The following HEATR5B variants were observed in gnomAD, a reference collection of about 807,000 sequenced individuals.
HEATR5B encodes the protein HEAT repeat-containing protein 5B.
In HEATR5B, 156 loss-of-function variants were observed where a neutral mutation model predicts 224.1. That is an observed-to-expected ratio of 0.70 (90% CI 0.61 to 0.80). The LOEUF (loss-of-function observed/expected upper bound fraction) is 0.80. Among genes scored for constraint, HEATR5B ranks in the 30% least tolerant of loss-of-function variants. HEATR5B has a pLI of 0.00. For synonymous variants in HEATR5B, 1,027 were observed against 893.0 expected (o/e 1.15, Z -2.68); for missense variants, 2,323 against 2,535.5 (o/e 0.92, Z 1.80).
At chr2:37,062,392 T>C (rs1236947113) in intron 10 of HEATR5B, among the ~76,000 whole-genome samples, 1 of 152,126 alleles carries the variant, frequency 6.6e-6, no homozygotes, top group Non-Finnish European at 1.5e-5. Flanking sequence ...ATTGCACTAC[T>C]GCACTCCAGC....
At chr2:36,994,372 T>C (rs549812156) in intron 33 of HEATR5B, among the ~76,000 whole-genome samples, 4 of 152,336 alleles carry the variant, frequency 2.6e-5, no homozygotes, top group African/African-American at 7.2e-5. Context: ...TTTTGTACGT[T>C]TGTACATGTT....
chr2:36,992,210 C>CA (rs1238063262), intron 33 of HEATR5B, among the ~76,000 whole-genome samples: 1 of 150,902 alleles, frequency 6.6e-6, no homozygotes. Flanking sequence ...AACAAACAAA[C>CA]AAAAAAACAA....
In HEATR5B at chr2:37,028,100, T is replaced by C. The variant is rs755926920; in HGVS notation, c.3676A>G (p.Thr1226Ala). Residue 1226 changes from threonine (T) to alanine (A), a missense_variant, in exon 24 of 36, where the codon ACC becomes GCC. Physicochemically the swap from Thr to Ala is moderately conservative, Grantham distance 58. This residue lies in a region of HEATR5B where 339 missense variants were observed against 378.4 expected (regional missense o/e 0.90). Transcript: ENST00000233099. ...TCTTCACCTAACGTGGTAAACATGG[T>C]ATCATCATCCATCTCATCTTTCTTT... is the stretch of plus-strand genomic sequence containing the variant. ...AEKKDEMDDD[T>A]MFTTLGEEDK... 1.2e-6 allele frequency: 2 copies of C among 1,613,332 alleles called. No individual in the cohort carries two copies. Among genetic ancestry groups the C allele is most frequent in the Non-Finnish European group, 1.7e-6 (2 of 1,179,256 alleles).
intron 33 of HEATR5B, among the ~76,000 whole-genome samples, chr2:37,000,089 G>A (rs1247058018): frequency 1.3e-5 from 2 of 151,744 alleles, no homozygotes; most frequent in Non-Finnish European, 2.9e-5. Flanking sequence ...TTTTTTTTGA[G>A]ACAGAGTTTC....
At chr2:36,991,702 A>G (rs1374410072) in intron 33 of HEATR5B, among the ~76,000 whole-genome samples, 2 of 152,176 alleles carry the variant, frequency 1.3e-5, no homozygotes, top group Non-Finnish European at 2.9e-5. Flanking sequence ...ACATTTTGTG[A>G]TTATCATTTC....
intron 29 of HEATR5B, among the ~76,000 whole-genome samples, chr2:37,006,531 C>G (rs1207248121): frequency 6.6e-6 from 1 of 152,158 alleles, no homozygotes; most frequent in East Asian, 1.9e-4. Flanking sequence ...ATCCCAGCTA[C>G]TTGGGAGGCT....
intron 5 of HEATR5B, among the ~76,000 whole-genome samples, chr2:37,074,314 T>C (rs1572942573): frequency 4.9e-5 from 6 of 122,362 alleles, no homozygotes; most frequent in Admixed American, 9.9e-5. Context: ...AGAGCAAGAC[T>C]CCATCTCAAA....
At chr2:37,060,001 C>T (rs1671179285) in intron 12 of HEATR5B, among the ~76,000 whole-genome samples, 1 of 151,754 alleles carries the variant, frequency 6.6e-6, no homozygotes, top group Admixed American at 6.6e-5. Context: ...TGAGATAAAC[C>T]AAAAAAGAAC....
chr2:37,073,531 A>C (rs573131588), intron 5 of HEATR5B, among the ~76,000 whole-genome samples: 81 of 152,212 alleles, frequency 5.3e-4, no homozygotes, highest in Admixed American at 1.4e-3. Flanking sequence ...GGCATGAGCA[A>C]CCACGCCCAG....
intron 33 of HEATR5B, among the ~76,000 whole-genome samples, chr2:36,992,273 C>T (rs1453571658): frequency 6.6e-6 from 1 of 151,862 alleles, no homozygotes; most frequent in Non-Finnish European, 1.5e-5. Context: ...TAACCTGAGT[C>T]ACGAATGTTA....
At chr2:37,082,901 C>G (rs1464526281) in intron 2 of HEATR5B, among the ~76,000 whole-genome samples, 1 of 150,650 alleles carries the variant, frequency 6.6e-6, no homozygotes, top group East Asian at 1.9e-4. Context: ...CAAATCAAGG[C>G]TATGCAGGAA....
intron 27 of HEATR5B, among the ~76,000 whole-genome samples, chr2:37,011,257 G>C (rs1380142076): frequency 6.6e-6 from 1 of 152,188 alleles, no homozygotes; most frequent in East Asian, 1.9e-4. Context: ...GATGGAAAGG[G>C]AGCTTACAGG....
At chr2:36,982,911 C>T (rs892469637) in intron 35 of HEATR5B, among the ~76,000 whole-genome samples, 4 of 147,436 alleles carry the variant, frequency 2.7e-5, no homozygotes, top group African/African-American at 7.8e-5. Flanking sequence ...CACACACACA[C>T]GTATAGGGGA....
At chr2:36,985,870 G>T (rs991207504) in intron 35 of HEATR5B, among the ~76,000 whole-genome samples, 2 of 151,514 alleles carry the variant, frequency 1.3e-5, no homozygotes, top group African/African-American at 4.9e-5. Context: ...ACTGAAAAAG[G>T]GTCATTTATT....
chr2:37,039,999 CAA>C (rs1375201301), intron 20 of HEATR5B, among the ~76,000 whole-genome samples: 1 of 152,116 alleles, frequency 6.6e-6, no homozygotes, highest in Non-Finnish European at 1.5e-5. Context: ...AAAAATGAAG[CAA>C]AAGTCCATGA....
intron 27 of HEATR5B, 120 bp from the exon 28 acceptor site, chr2:37,008,968 T>C (rs1667609915): frequency 1.3e-6 from 1 of 783,072 alleles, no homozygotes; most frequent in Non-Finnish European, 2.0e-6. Context: ...TATTAGAAAG[T>C]ATACACTTTG....
intron 17 of HEATR5B, among the ~76,000 whole-genome samples, chr2:37,052,128 T>A (rs1301630987): frequency 6.6e-6 from 1 of 152,220 alleles, no homozygotes; most frequent in Non-Finnish European, 1.5e-5. Flanking sequence ...CTAAGACATG[T>A]TCATGCAAAC....
At chr2:36,989,572 T>C (rs1666180112) in intron 34 of HEATR5B, among the ~76,000 whole-genome samples, 1 of 152,150 alleles carries the variant, frequency 6.6e-6, no homozygotes, top group African/African-American at 2.4e-5. Flanking sequence ...CAAAACCACT[T>C]GATTCCCTGG....
At chr2:37,002,639 T>C in intron 31 of HEATR5B, 67 bp from the exon 32 acceptor site, 4 of 1,488,936 alleles carry the variant, frequency 2.7e-6, no homozygotes, top group Non-Finnish European at 3.7e-6. Context: ...CACAAGTATA[T>C]TTAGGAAATT....
Sources: allele counts gnomAD v4.1 joint callset (sites outside exome capture counted in the v4.1 genomes callset), GRCh38; gene constraint gnomAD v4.1.1; regional missense constraint gnomAD v4.1.1; transcripts MANE v1.5; gene names NCBI Gene and HGNC (gene_info 2026-07-23, HGNC 2026-07-21).